The following CCDC15 variants were observed in gnomAD, a reference collection of about 807,000 sequenced individuals.
CCDC15 encodes coiled-coil domain-containing protein 15.
A neutral mutation model predicts 114.5 loss-of-function variants in CCDC15; 105 were observed. The ratio of observed to expected loss-of-function variants is 0.92; its 90% CI spans 0.78 to 1.08. The LOEUF (loss-of-function observed/expected upper bound fraction) is 1.08, where lower values mean the gene tolerates loss of function less well. Among genes scored for constraint, CCDC15 ranks in the 50% least tolerant of loss-of-function variants. The pLI is 0.00. For synonymous variants in CCDC15, 334 were observed against 377.8 expected (o/e 0.88, Z 1.34); for missense variants, 1,105 against 1,093.6 (o/e 1.01, Z -0.15).
rs753575685 is a variant in CCDC15, at chr11:124,954,705, T to A, written c.-9-19T>A. Reference sequence around the variant, plus strand: ...TGCAGTCATTTGAAGATTTTAAGCTTTTTCTTTCTCCTAATCAGGAGTCAC... The same window carrying A: ...TGCAGTCATTTGAAGATTTTAAGCTATTTCTTTCTCCTAATCAGGAGTCAC... On this transcript the variant is annotated intron_variant, in intron 1 of 15. Transcript: ENST00000344762. 2.5e-6 allele frequency: 4 copies of A among 1,610,398 alleles called. No individual in the cohort carries two copies. The highest frequency in any genetic ancestry group is 1.7e-5 in the Admixed American group (1 of 59,758).
At chr11:124,980,890 G>C (rs1256309519) in intron 6 of CCDC15, among the ~76,000 whole-genome samples, 1 of 152,096 alleles carries the variant, frequency 6.6e-6, no homozygotes, top group African/African-American at 2.4e-5. Flanking sequence ...TTTTTGATGT[G>C]GGTGTTTAAA....
intron 11 of CCDC15, among the ~76,000 whole-genome samples, chr11:124,994,957 G>A (rs1454783743): frequency 2.0e-5 from 3 of 152,100 alleles, no homozygotes; most frequent in African/African-American, 7.2e-5. Context: ...TCTTTAAGAG[G>A]GCAAAATTCA....
chr11:125,025,184 G>A (rs974364440), intron 13 of CCDC15, among the ~76,000 whole-genome samples: 9 of 146,312 alleles, frequency 6.2e-5, no homozygotes, highest in African/African-American at 1.8e-4. Context: ...ATATATGTGA[G>A]TATATATATT....
At chr11:125,032,101 A>T (rs1432154982) in intron 13 of CCDC15, among the ~76,000 whole-genome samples, 1 of 152,156 alleles carries the variant, frequency 6.6e-6, no homozygotes, top group African/African-American at 2.4e-5. Context: ...TCACCAATAA[A>T]TTCAGTGTGT....
At position 124,984,732 on chromosome 11, in the gene CCDC15, C is replaced by T. The variant is rs550466348; in HGVS notation, c.754-2010C>T. 2.8e-4 allele frequency among the ~76,000 whole-genome samples: 43 copies of T among 152,246 alleles called. No homozygotes were observed. In the Middle Eastern group the frequency reaches 0.01, roughly 36 times the overall value. ...CTCTTCTCACTTGTTCAATTCATCCCTTCCCCAGGAGCCACTGGGGGCCAG... is the reference window on the plus strand; with the variant it reads ...CTCTTCTCACTTGTTCAATTCATCCTTTCCCCAGGAGCCACTGGGGGCCAG... On this transcript the variant is annotated intron_variant, in intron 6 of 15. Transcript: ENST00000344762.
chr11:125,040,891 G>A lies in CCDC15; in HGVS notation c.*180G>A, dbSNP rs1008279456. 8.1e-6 allele frequency: 5 copies of A among 616,952 alleles called. No individual in the cohort carries two copies. Among genetic ancestry groups the A allele is most frequent in the Non-Finnish European group, 1.4e-5 (5 of 361,926 alleles). The allele number at this position is 616,952 out of a possible 1,614,324, so 38.2% of individuals were successfully genotyped here. On this transcript the variant is annotated 3_prime_UTR_variant, in exon 16 of 16. Coordinates refer to ENST00000344762, the MANE Select transcript of CCDC15 (RefSeq NM_025004.3). ...TGTCTGGGAACCAAGATTGAAAGCT[G>A]ACTTACTTCTCTCTTCTGTCTTGTG... is the stretch of plus-strand genomic sequence containing the variant.
chr11:124,959,730 A>AAAAAT, intron 3 of CCDC15, 85 bp from the exon 4 acceptor site: 5 of 904,380 alleles, frequency 5.5e-6, no homozygotes, highest in Non-Finnish European at 7.5e-6. Flanking sequence ...CCCAATTTAA[A>AAAAAT]ATCTTCTGAA....
intron 11 of CCDC15, among the ~76,000 whole-genome samples, chr11:125,000,670 C>T (rs1336637181): frequency 2.0e-5 from 3 of 152,142 alleles, no homozygotes; most frequent in Admixed American, 1.3e-4. Context: ...AGAGATATTT[C>T]ACATTAACAT....
At chr11:125,022,784 A>G (rs1948670247) in intron 13 of CCDC15, among the ~76,000 whole-genome samples, 1 of 151,898 alleles carries the variant, frequency 6.6e-6, no homozygotes, top group African/African-American at 2.4e-5. Context: ...ACAATAGCTC[A>G]TTTGTTTCAA....
chr11:125,014,420 A>C (rs1948615193), intron 13 of CCDC15, among the ~76,000 whole-genome samples: 1 of 152,310 alleles, frequency 6.6e-6, no homozygotes, highest in African/African-American at 2.4e-5. Context: ...AGAGAAAGAA[A>C]AGACAACAGA....
chr11:124,977,546 G>T lies in CCDC15; in HGVS notation c.699G>T (p.Lys233Asn), dbSNP rs374249602. The T allele has an allele frequency of 1.2e-6, 2 of 1,608,808 alleles. No homozygotes were observed. Among genetic ancestry groups the T allele is most frequent in the African/African-American group, 2.7e-5 (2 of 74,692 alleles). Reference sequence around the variant, plus strand: ...GAATAAGAGGAGAGTTGCCCATTAAGGTCCATCAAGGTCTTTTAGCTGCTG... The same window carrying T: ...GAATAAGAGGAGAGTTGCCCATTAATGTCCATCAAGGTCTTTTAGCTGCTG... ...NTGIRGELPIKVHQGLLAAVP... is the reference protein window; with the variant it reads ...NTGIRGELPINVHQGLLAAVP... The change falls in exon 6 of 16, where the codon AAG becomes AAT. Residue 233 changes from lysine to asparagine, a missense_variant. Coordinates refer to ENST00000344762, the MANE Select transcript of CCDC15 (RefSeq NM_025004.3).
At chr11:124,965,928 A>G (rs1947770067) in intron 4 of CCDC15, among the ~76,000 whole-genome samples, 2 of 152,318 alleles carry the variant, frequency 1.3e-5, no homozygotes, top group South Asian at 4.1e-4. Context: ...CAGGTTGTCC[A>G]GTTTCCATGT....
chr11:124,991,976 C>T (rs1398507527), intron 9 of CCDC15, among the ~76,000 whole-genome samples: 2 of 152,192 alleles, frequency 1.3e-5, no homozygotes, highest in Non-Finnish European at 2.9e-5. Flanking sequence ...AAGCCACTGT[C>T]CCCGGCCAGA....
At chr11:124,957,381 G>A (rs986407594) in intron 2 of CCDC15, among the ~76,000 whole-genome samples, 2 of 152,212 alleles carry the variant, frequency 1.3e-5, no homozygotes, top group African/African-American at 2.4e-5. Context: ...ATGTCTGGGT[G>A]CTGGTTAGAT....
chr11:124,954,942 T>C (rs757299435), intron 2 of CCDC15, 33 bp downstream of exon 2: 6 of 1,587,502 alleles, frequency 3.8e-6, no homozygotes, highest in Non-Finnish European at 4.3e-6. Context: ...TATGGTGGGG[T>C]TCCCCACCAC....
At chr11:125,014,973 ACACTAGAAAT>A (rs1233638292) in intron 13 of CCDC15, among the ~76,000 whole-genome samples, 1 of 152,214 alleles carries the variant, frequency 6.6e-6, no homozygotes, top group Admixed American at 6.5e-5. Context: ...TAGTGATATT[ACACTAGAAAT>A]CAATAAGCAG....
rs1023612133 is a variant in CCDC15 at position 125,009,348 on chromosome 11, T to C, written c.2411+4136T>C. Among the ~76,000 whole-genome samples, 8 of 152,340 alleles carry C rather than the reference T, an allele frequency of 5.3e-5. No individual in the cohort carries two copies. The East Asian group carries it at 1.5e-3, about 29-fold the overall frequency. On this transcript the variant is annotated intron_variant, in intron 13 of 15. Transcript: ENST00000344762. ...AATATGTGTAATAGTTTGAAATTTGTGAAGTGCTATAAAATATAAAGCAAT... is the reference window on the plus strand; with the variant it reads ...AATATGTGTAATAGTTTGAAATTTGCGAAGTGCTATAAAATATAAAGCAAT...
intron 4 of CCDC15, among the ~76,000 whole-genome samples, chr11:124,974,079 G>T (rs988241449): frequency 1.3e-5 from 2 of 152,036 alleles, no homozygotes; most frequent in African/African-American, 4.8e-5. Flanking sequence ...GGTTCAAGCA[G>T]TTCTCCCGCC....
chr11:125,032,949 G>C (rs1457657547), intron 13 of CCDC15, among the ~76,000 whole-genome samples: 3 of 152,234 alleles, frequency 2.0e-5, no homozygotes, highest in Non-Finnish European at 4.4e-5. Context: ...CGAAACGTCT[G>C]ATTGTTTCCC....
Sources: gnomAD v4.1 joint callset for allele counts (sites outside exome capture counted in the v4.1 genomes callset) on GRCh38, gnomAD v4.1.1 for gene constraint, MANE v1.5 for transcripts, NCBI Gene and HGNC (gene_info 2026-07-23, HGNC 2026-07-21) for gene names.